The following PKD2L1 variants were observed in gnomAD, a reference collection of about 807,000 sequenced individuals.
PKD2L1 encodes polycystin-2-like protein 1.
Under a neutral mutation model 93.0 loss-of-function variants are expected in PKD2L1, and 77 were observed. That is an observed-to-expected ratio of 0.83 (90% CI 0.69 to 1.00). The LOEUF is 1.00. Ranked by LOEUF, PKD2L1 falls within the 50% of genes least tolerant of loss-of-function variation. The probability of loss-of-function intolerance (pLI) is 0.00; values close to 1 mark genes in which losing one functional copy is unlikely to be tolerated. For synonymous variants in PKD2L1, 390 were observed against 388.0 expected (o/e 1.01, Z -0.06); for missense variants, 977 against 990.9 (o/e 0.99, Z 0.19).
chr10:100,296,129 C>T lies in PKD2L1; in HGVS notation c.1349G>A (p.Trp450Ter). The stretch of plus-strand genomic sequence containing the variant: ...TGTGGGAATCCCAGGTACCTTGATC[C>T]AGGCGAAGAAGAGGTTGACAGCATT... The part of the protein sequence containing the change: ...NMNAVNLFFA[W>*]IKIFKYISFN... Residue 450 changes from tryptophan to a stop codon, truncating the protein, a stop_gained, in exon 7 of 16, where the codon TGG becomes TAG. Transcript: ENST00000318222. LOFTEE classifies it high-confidence loss of function. 2 of 1,608,086 alleles carry T rather than the reference C, an allele frequency of 1.2e-6. No individual in the cohort carries two copies. The highest frequency in any genetic ancestry group is 8.5e-7 in the Non-Finnish European group (1 of 1,177,468).
intron 2 of PKD2L1, among the ~76,000 whole-genome samples, chr10:100,306,019 C>T (rs191859902): frequency 1.1e-4 from 16 of 151,706 alleles, no homozygotes; most frequent in African/African-American, 3.4e-4. Flanking sequence ...CCTGTTTCTA[C>T]AAAAAAAATA....
chr10:100,323,230 T>C (rs1312353536), intron 2 of PKD2L1, among the ~76,000 whole-genome samples: 1 of 152,212 alleles, frequency 6.6e-6, no homozygotes, highest in African/African-American at 2.4e-5. Flanking sequence ...TTTTATGTTA[T>C]TTATTGATTT....
chr10:100,329,546 G>T (rs1309787006), intron 1 of PKD2L1, among the ~76,000 whole-genome samples: 1 of 152,216 alleles, frequency 6.6e-6, no homozygotes, highest in Non-Finnish European at 1.5e-5. Context: ...TGTAGAGAAT[G>T]AAGGCATGGA....
At chr10:100,317,243 A>C (rs1589678917) in intron 2 of PKD2L1, among the ~76,000 whole-genome samples, 1 of 151,944 alleles carries the variant, frequency 6.6e-6, no homozygotes, top group African/African-American at 2.4e-5. Flanking sequence ...TTTCAAACAA[A>C]CCCCCCAAAA....
chr10:100,315,107 AAGGGAAGGG>A (rs1849068170), intron 2 of PKD2L1, among the ~76,000 whole-genome samples: 1 of 142,810 alleles, frequency 7.0e-6, no homozygotes, highest in African/African-American at 2.8e-5. Flanking sequence ...AAGGGAAGGG[AAGGGAAGGG>A]AAGAGAAAAC....
At chr10:100,324,804 A>C (rs1234416672) in intron 2 of PKD2L1, among the ~76,000 whole-genome samples, 1 of 152,200 alleles carries the variant, frequency 6.6e-6, no homozygotes, top group Non-Finnish European at 1.5e-5. Context: ...TCATCATGCC[A>C]CTGTGTTTAC....
chr10:100,294,696 C>A (rs760274452), intron 8 of PKD2L1, 41 bp from the exon 9 acceptor site: 11 of 1,612,604 alleles, frequency 6.8e-6, no homozygotes, highest in Non-Finnish European at 9.3e-6. Context: ...GCCTAACAAA[C>A]ACCCCCCATC....
At position 100,294,749 on chromosome 10, in the gene PKD2L1, C is replaced by G. The variant is rs1848486020; in HGVS notation, c.1539-94G>C. 5 of 1,543,148 alleles carry G rather than the reference C, an allele frequency of 3.2e-6. No individual in the cohort carries two copies. In the Admixed American group the frequency reaches 8.5e-5, roughly 26 times the overall value. ...GAGAGACCCCTCACCACACGTTCACCCCAATCTGATAGACACAGGGCAGGG... is the reference window on the plus strand; with the variant it reads ...GAGAGACCCCTCACCACACGTTCACGCCAATCTGATAGACACAGGGCAGGG... On this transcript the variant is annotated intron_variant, in intron 8 of 15. Coordinates refer to ENST00000318222, the MANE Select transcript of PKD2L1 (RefSeq NM_016112.3).
At chr10:100,295,450 A>AAAC (rs1337406553) in intron 7 of PKD2L1, among the ~76,000 whole-genome samples, 1 of 148,240 alleles carries the variant, frequency 6.7e-6, no homozygotes, top group Non-Finnish European at 1.5e-5. Context: ...AAAAAAAAAA[A>AAAC]GCCAGGCACG....
intron 2 of PKD2L1, among the ~76,000 whole-genome samples, chr10:100,327,309 A>G (rs1339770209): frequency 6.6e-6 from 1 of 152,210 alleles, no homozygotes; most frequent in African/African-American, 2.4e-5. Context: ...CTAAAATTAG[A>G]TGAGCTCTAA....
At chr10:100,290,296 C>T in intron 13 of PKD2L1, 105 bp downstream of exon 13, 1 of 1,257,912 alleles carries the variant, frequency 7.9e-7, no homozygotes, top group Non-Finnish European at 1.1e-6. Context: ...GGAGGTTCTC[C>T]CTGGGGTAGG....
intron 2 of PKD2L1, among the ~76,000 whole-genome samples, chr10:100,309,904 C>A (rs937227854): frequency 6.6e-6 from 1 of 151,608 alleles, no homozygotes; most frequent in South Asian, 2.1e-4. Flanking sequence ...AATCCCATTA[C>A]CCAGACAATA....
At chr10:100,289,788 C>CA (rs2134374694) in intron 14 of PKD2L1, among the ~76,000 whole-genome samples, 1 of 152,300 alleles carries the variant, frequency 6.6e-6, no homozygotes, top group South Asian at 2.1e-4. Context: ...AACAGACTGA[C>CA]ACAGACCATC....
rs1190446696 is a variant in PKD2L1 at position 100,302,692 on chromosome 10, C to CAA, written c.350-2975_350-2974insTT. On this transcript the variant is annotated intron_variant, in intron 2 of 15. Coordinates refer to ENST00000318222, the MANE Select transcript of PKD2L1 (RefSeq NM_016112.3). ...GGGTGACAAAGTGAGACTCTGTCCC[C>CAA]CAAAAAAAAAAAAAATTGTTCCAGG... Among the ~76,000 whole-genome samples, 79 of 122,356 alleles carry CAA rather than the reference C, an allele frequency of 6.5e-4. 1 individual carries two copies. The highest frequency in any genetic ancestry group is 2.2e-3 in the African/African-American group (76 of 34,458). The allele number at this position is 122,356 out of a possible 152,430, so 80.3% of individuals were successfully genotyped here. A position where few individuals can be genotyped will look rare whatever the true frequency, so the allele number is the denominator to read the frequency against.
At chr10:100,289,436 G>C (rs1262356616) in intron 14 of PKD2L1, among the ~76,000 whole-genome samples, 1 of 152,182 alleles carries the variant, frequency 6.6e-6, no homozygotes, top group Non-Finnish European at 1.5e-5. Flanking sequence ...CTACTTGGGA[G>C]GCTGAGGCAG....
At position 100,318,083 on chromosome 10, in the gene PKD2L1, C is replaced by CA. The variant is rs139393300; in HGVS notation, c.349+11127dup. Among the ~76,000 whole-genome samples the CA allele has an allele frequency of 3.8e-3, 517 of 136,044 alleles. 5 individuals are homozygous for CA. The highest frequency in any genetic ancestry group is 8.6e-3 in the African/African-American group (321 of 37,378). 89.3% of individuals were successfully genotyped at this position (136,044 alleles called of 152,430 possible). A position where few individuals can be genotyped will look rare whatever the true frequency, so the allele number is the denominator to read the frequency against. On this transcript the variant is annotated intron_variant, in intron 2 of 15. Coordinates refer to ENST00000318222, the MANE Select transcript of PKD2L1 (RefSeq NM_016112.3). ...CGATAGAGCAAGACTCTGTCTCAAA[C>CA]AAAAAAAAAAAAGAGAGAAGAAAAG...
In PKD2L1 at chr10:100,292,948, T is replaced by C. The variant is rs1848436372; in HGVS notation, c.1880A>G (p.Glu627Gly). Reference protein sequence around the residue: ...QFEDFTNTLRELGHAEHEITE... With the variant: ...QFEDFTNTLRGLGHAEHEITE... ...GAAGGCTGGGTCTCTGGTTGCTCAC[T>C]CCCTTAAGGTGTTGGTGAAATCCTC... is the stretch of plus-strand genomic sequence containing the variant. Residue 627 changes from glutamate to glycine, a missense_variant and splice_region_variant, in exon 11 of 16, where the codon GAA (glutamate) becomes GGA (glycine). Glu to Gly is a moderately conservative substitution (Grantham distance 98). Coordinates refer to ENST00000318222, the MANE Select transcript of PKD2L1 (RefSeq NM_016112.3). The C allele has an allele frequency of 6.2e-7, 1 of 1,611,952 alleles. No individual in the cohort carries two copies. The highest frequency in any genetic ancestry group is 2.2e-5 in the East Asian group (1 of 44,872).
intron 2 of PKD2L1, among the ~76,000 whole-genome samples, chr10:100,327,223 C>A (rs961796242): frequency 6.6e-6 from 1 of 152,220 alleles, no homozygotes; most frequent in Non-Finnish European, 1.5e-5. Context: ...TGACACTCCC[C>A]AGGTTGGGCT....
intron 2 of PKD2L1, among the ~76,000 whole-genome samples, chr10:100,324,047 C>G (rs966487248): frequency 1.3e-5 from 2 of 152,138 alleles, no homozygotes; most frequent in African/African-American, 4.8e-5. Flanking sequence ...AGGCTGGTCT[C>G]GAACTCCTGG....
Sources: gnomAD v4.1 joint callset for allele counts (sites outside exome capture counted in the v4.1 genomes callset) on GRCh38, gnomAD v4.1.1 for gene constraint, MANE v1.5 for transcripts, NCBI Gene and HGNC (gene_info 2026-07-23, HGNC 2026-07-21) for gene names.